The following WDR64 variants were observed in gnomAD, a reference collection of about 807,000 sequenced individuals.
WDR64 encodes the protein WD repeat domain 64, also known as WD repeat-containing protein 64.
WDR64 carries 112 observed loss-of-function variants against 139.3 expected under a neutral mutation model. That is an observed-to-expected ratio of 0.80 (90% CI 0.69 to 0.94). The LOEUF (loss-of-function observed/expected upper bound fraction) is 0.94. Ranked by LOEUF, WDR64 falls within the 40% of genes least tolerant of loss-of-function variation. The pLI, the probability that WDR64 is intolerant of heterozygous loss-of-function variation, is 0.00. For synonymous variants in WDR64, 444 were observed against 437.7 expected (o/e 1.01, Z -0.18); for missense variants, 1,206 against 1,293.1 (o/e 0.93, Z 1.03).
chr1:241,796,868 G>C (rs1659383330), intron 27 of WDR64, among the ~76,000 whole-genome samples: 1 of 152,102 alleles, frequency 6.6e-6, no homozygotes, highest in Admixed American at 6.6e-5. Flanking sequence ...GAATTTGCTG[G>C]ACAGAGAAAG....
chr1:241,695,309 G>A (rs1004732619), intron 8 of WDR64, among the ~76,000 whole-genome samples: 4 of 152,032 alleles, frequency 2.6e-5, no homozygotes, highest in African/African-American at 4.8e-5. Context: ...GTACAATGGC[G>A]CACAACTATA....
At chr1:241,783,247 A>C in intron 22 of WDR64, 25 bp from the exon 23 acceptor site, 1 of 1,585,680 alleles carries the variant, frequency 6.3e-7, no homozygotes, top group Non-Finnish European at 8.7e-7. Context: ...TATTCCGAGG[A>C]ATATGCCTTG....
chr1:241,795,335 T>C (rs935616261), intron 26 of WDR64, 48 bp downstream of exon 26: 5 of 1,520,566 alleles, frequency 3.3e-6, no homozygotes, highest in Non-Finnish European at 4.5e-6. Flanking sequence ...CAGTAGAGAA[T>C]CTGCCATCTC....
At chr1:241,769,607 T>G (rs1233624238) in intron 17 of WDR64, 102 bp downstream of exon 17, 3 of 1,027,018 alleles carry the variant, frequency 2.9e-6, no homozygotes, top group South Asian at 1.5e-5. Flanking sequence ...TTGAAAGTAA[T>G]AGAAAGAGTT....
chr1:241,774,630 A>G (rs1473230542), intron 20 of WDR64, among the ~76,000 whole-genome samples: 1 of 152,236 alleles, frequency 6.6e-6, no homozygotes, highest in East Asian at 1.9e-4. Context: ...TAAAAAATAA[A>G]TATTTCTGAA....
chr1:241,687,444 C>T lies in WDR64; in HGVS notation c.840-17C>T. ...TGTGTCTAACATAAATCTCCCCTGC[C>T]TTTTCTTAATCCCCAGTGTTAAAAG... is the stretch of plus-strand genomic sequence containing the variant. On this transcript the variant is annotated splice_polypyrimidine_tract_variant and intron_variant, in intron 7 of 27. Transcript: ENST00000437684. 1 of 1,612,860 alleles carries T rather than the reference C, an allele frequency of 6.2e-7. No individual in the cohort carries two copies. Among genetic ancestry groups the T allele is most frequent in the Non-Finnish European group, 8.5e-7 (1 of 1,179,580 alleles).
intron 9 of WDR64, among the ~76,000 whole-genome samples, chr1:241,717,451 C>T (rs1668446135): frequency 6.6e-6 from 1 of 152,082 alleles, no homozygotes; most frequent in African/African-American, 2.4e-5. Context: ...TTACTAGATG[C>T]TATCTCTCTC....
chr1:241,731,406 T>C (rs1669073668), intron 10 of WDR64, among the ~76,000 whole-genome samples: 1 of 152,142 alleles, frequency 6.6e-6, no homozygotes, highest in Admixed American at 6.6e-5. Context: ...ATGTAAGCTC[T>C]TTATATGTAT....
chr1:241,710,699 T>C (rs1179236311), intron 8 of WDR64, among the ~76,000 whole-genome samples: 1 of 151,974 alleles, frequency 6.6e-6, no homozygotes, highest in Non-Finnish European at 1.5e-5. Flanking sequence ...GAAGGGAGGC[T>C]GATGAGAGAG....
chr1:241,693,407 G>A (rs1005769612), intron 8 of WDR64, among the ~76,000 whole-genome samples: 5 of 152,128 alleles, frequency 3.3e-5, no homozygotes, highest in Admixed American at 3.3e-4. Context: ...AGGGCTTTGA[G>A]GGGAGGGAGG....
chr1:241,668,639 G>A (rs976196191), intron 2 of WDR64, among the ~76,000 whole-genome samples: 1 of 151,864 alleles, frequency 6.6e-6, no homozygotes, highest in Non-Finnish European at 1.5e-5. Context: ...GGCCAGGTGT[G>A]GTGGCTCACA....
At chr1:241,769,046 C>T (rs746507445) in intron 16 of WDR64, among the ~76,000 whole-genome samples, 76 of 152,254 alleles carry the variant, frequency 5.0e-4, no homozygotes, top group Non-Finnish European at 7.9e-4. Context: ...GCAGGAGGAT[C>T]GCTTGAGCCC....
At chr1:241,717,069 C>T (rs781074382) in intron 9 of WDR64, among the ~76,000 whole-genome samples, 10 of 152,282 alleles carry the variant, frequency 6.6e-5, no homozygotes, top group Non-Finnish European at 8.8e-5. Flanking sequence ...CCTATGGGTG[C>T]AAGGCTTAGG....
chr1:241,687,321 A>C (rs1667044095), intron 7 of WDR64, 140 bp from the exon 8 acceptor site: 1 of 799,396 alleles, frequency 1.3e-6, no homozygotes, highest in Non-Finnish European at 1.9e-6. Flanking sequence ...AAAAAAAAAA[A>C]GGTGTTATAA....
At chr1:241,715,169 A>C (rs1668355266) in intron 9 of WDR64, among the ~76,000 whole-genome samples, 1 of 152,218 alleles carries the variant, frequency 6.6e-6, no homozygotes, top group South Asian at 2.1e-4. Context: ...GTAGGGAGCA[A>C]GTTTCTTGAT....
intron 9 of WDR64, among the ~76,000 whole-genome samples, chr1:241,717,349 C>T (rs189823048): frequency 2.6e-4 from 39 of 152,230 alleles, no homozygotes; most frequent in Admixed American, 1.0e-3. Context: ...CCAGACAAGT[C>T]GCACAACTAG....
At chr1:241,683,737 T>G in intron 7 of WDR64, 36 bp downstream of exon 7, 1 of 1,425,710 alleles carries the variant, frequency 7.0e-7, no homozygotes, top group South Asian at 1.5e-5. Context: ...ATTCTTTTAA[T>G]AATTATAGTC....
chr1:241,743,640 C>T (rs1669639274), intron 12 of WDR64, among the ~76,000 whole-genome samples: 1 of 152,168 alleles, frequency 6.6e-6, no homozygotes, highest in African/African-American at 2.4e-5. Flanking sequence ...CAGTTCAGTG[C>T]TGTCACTAAC....
At chr1:241,788,557 G>A (rs906569831) in intron 24 of WDR64, among the ~76,000 whole-genome samples, 10 of 152,208 alleles carry the variant, frequency 6.6e-5, no homozygotes, top group African/African-American at 2.2e-4. Flanking sequence ...CACGGAAGAT[G>A]AGTCCAAATG....
Sources: allele counts gnomAD v4.1 joint callset (sites outside exome capture counted in the v4.1 genomes callset), GRCh38; gene constraint gnomAD v4.1.1; transcripts MANE v1.5; gene names NCBI Gene and HGNC (gene_info 2026-07-23, HGNC 2026-07-21).